The following OCA2 variants were observed in gnomAD, a reference collection of about 807,000 sequenced individuals.
OCA2 encodes the protein P protein.
In OCA2, 77 loss-of-function variants were observed where a neutral mutation model predicts 100.2. The observed-to-expected ratio is 0.77, with a 90% CI of 0.64 to 0.93. The LOEUF is 0.93. Among genes scored for constraint, OCA2 ranks in the 40% least tolerant of loss-of-function variants. The pLI is 0.00. For missense variants in OCA2, 1,062 were observed against 1,089.1 expected, an observed-to-expected ratio of 0.98 and a Z score of 0.35; for synonymous variants, 432 against 439.2, an observed-to-expected ratio of 0.98 and a Z score of 0.21.
At chr15:28,053,260 A>C (rs72712666) in intron 2 of OCA2, among the ~76,000 whole-genome samples, 13,917 of 152,200 alleles carry the variant, frequency 0.091, 813 homozygotes, top group African/African-American at 0.16. Context: ...CAGCACCCAC[A>C]TGGGTGGGCC....
intron 2 of OCA2, among the ~76,000 whole-genome samples, chr15:28,059,645 A>G (rs1235271932): frequency 1.3e-5 from 2 of 152,236 alleles, no homozygotes; most frequent in African/African-American, 2.4e-5. Context: ...ACAATTTTTA[A>G]AGACTTCTAA....
At chr15:28,037,873 T>G (rs1485492230) in intron 2 of OCA2, among the ~76,000 whole-genome samples, 1 of 152,144 alleles carries the variant, frequency 6.6e-6, no homozygotes, top group Non-Finnish European at 1.5e-5. Flanking sequence ...CCAGGCATGG[T>G]ACCCTCTGTA....
chr15:28,093,093 G>C (rs2044898558), intron 1 of OCA2, among the ~76,000 whole-genome samples: 1 of 152,124 alleles, frequency 6.6e-6, no homozygotes, highest in Admixed American at 6.5e-5. Flanking sequence ...AGCCATTAGG[G>C]AAATGCAAAT....
chr15:27,877,491 G>A (rs943449224), intron 19 of OCA2, among the ~76,000 whole-genome samples: 2 of 151,802 alleles, frequency 1.3e-5, no homozygotes, highest in African/African-American at 4.8e-5. Flanking sequence ...ATTGCATCTT[G>A]AGTATTTACC....
chr15:27,903,990 T>C (rs999715157), intron 19 of OCA2, among the ~76,000 whole-genome samples: 12 of 152,212 alleles, frequency 7.9e-5, no homozygotes, highest in African/African-American at 2.9e-4. Context: ...TTTTTAAAAA[T>C]AGTGCAGTGT....
At chr15:28,036,130 G>T (rs940668690) in intron 2 of OCA2, among the ~76,000 whole-genome samples, 4 of 152,186 alleles carry the variant, frequency 2.6e-5, no homozygotes, top group Admixed American at 2.0e-4. Context: ...ATTTTTAAAT[G>T]CCAGCCATCA....
intron 23 of OCA2, among the ~76,000 whole-genome samples, chr15:27,843,444 AT>A (rs1250288782): frequency 3.9e-5 from 6 of 152,178 alleles, no homozygotes; most frequent in Non-Finnish European, 8.8e-5. Context: ...CCACTGCTAT[AT>A]TTGCTGTAAT....
Position 27,858,561 on chromosome 15 carries a change from T to C in OCA2, c.2245-7086A>G, listed in dbSNP as rs76402330. ...AAATAGAACTGAGGTGGGTACATTA[T>C]TGTCAGACAAAATAGAATTTAAATA... On this transcript the variant is annotated intron_variant, in intron 21 of 23. Transcript: ENST00000354638. 7.5e-3 allele frequency among the ~76,000 whole-genome samples: 1,138 copies of C among 152,176 alleles called. 17 individuals are homozygous for C. The highest frequency in any genetic ancestry group is 0.026 in the African/African-American group (1,081 of 41,512).
At chr15:28,096,550 G>A (rs1277873940) in intron 1 of OCA2, among the ~76,000 whole-genome samples, 4 of 152,226 alleles carry the variant, frequency 2.6e-5, no homozygotes, top group Non-Finnish European at 4.4e-5. Flanking sequence ...CCGGTCCTGG[G>A]CTGAGACAGG....
intron 23 of OCA2, among the ~76,000 whole-genome samples, chr15:27,832,210 T>G (rs1388102967): frequency 6.6e-6 from 1 of 152,006 alleles, no homozygotes; most frequent in Non-Finnish European, 1.5e-5. Flanking sequence ...GTTGTCCACC[T>G]CCAAACCCTA....
chr15:28,055,809 T>A (rs553546526), intron 2 of OCA2, among the ~76,000 whole-genome samples: 1 of 152,252 alleles, frequency 6.6e-6, no homozygotes, highest in African/African-American at 2.4e-5. Flanking sequence ...TGCCTGGCCA[T>A]CCTCACGGTG....
chr15:28,094,411 G>A (rs568323998), intron 1 of OCA2, among the ~76,000 whole-genome samples: 1 of 152,318 alleles, frequency 6.6e-6, no homozygotes, highest in South Asian at 2.1e-4. Flanking sequence ...TAGGGGAGCT[G>A]TAAGCCGGCG....
intron 14 of OCA2, among the ~76,000 whole-genome samples, chr15:27,978,421 CTATT>C (rs1428474698): frequency 6.6e-6 from 1 of 152,144 alleles, no homozygotes; most frequent in Non-Finnish European, 1.5e-5. Flanking sequence ...AAGGATTTAT[CTATT>C]CCTCCTGCAG....
At chr15:27,892,177 A>C (rs114834648) in intron 19 of OCA2, among the ~76,000 whole-genome samples, 2,366 of 152,262 alleles carry the variant, frequency 0.016, 55 homozygotes, top group African/African-American at 0.05. Context: ...AAAATAATTC[A>C]AAATATGGAA....
intron 7 of OCA2, among the ~76,000 whole-genome samples, chr15:28,016,668 G>A (rs925787720): frequency 2.4e-4 from 37 of 152,192 alleles, no homozygotes; most frequent in African/African-American, 8.9e-4. Context: ...TGTGGTCCCA[G>A]CCACTTAGGG....
chr15:27,913,763 A>G (rs935704205), intron 19 of OCA2, among the ~76,000 whole-genome samples: 1 of 149,310 alleles, frequency 6.7e-6, no homozygotes, highest in African/African-American at 2.5e-5. Flanking sequence ...ATTAGAGAAG[A>G]GTCCCTCCTC....
chr15:27,993,012 G>A (rs1868333), intron 9 of OCA2, among the ~76,000 whole-genome samples: 89,032 of 151,884 alleles, frequency 0.59, 31,135 homozygotes, highest in Non-Finnish European at 0.79. Context: ...TAGTCCCAGT[G>A]ACTCGGGAGT....
Position 28,081,789 on chromosome 15 carries a change from G to T in OCA2, c.86C>A (p.Ala29Asp), listed in dbSNP as rs776260039. ...CCTGCGCTTGCCGGCCACAAGTTCA[G>T]CGAGTCCGCTGGGCACGGACGTCTG... The part of the protein sequence containing the change: ...LLQTSVPSGL[A>D]ELVAGKRRLP... The change falls in exon 2 of 24, where the codon GCT (alanine) becomes GAT (aspartate). Residue 29 changes from alanine to aspartate, a missense_variant. Ala to Asp is a moderately radical substitution (Grantham distance 126). Transcript: ENST00000354638. 1 of 1,613,072 alleles carries T rather than the reference G, an allele frequency of 6.2e-7. No individual in the cohort carries two copies. Among genetic ancestry groups the T allele is most frequent in the South Asian group, 1.1e-5 (1 of 91,056 alleles).
At chr15:28,087,124 C>G (rs1595934489) in intron 1 of OCA2, among the ~76,000 whole-genome samples, 2 of 152,062 alleles carry the variant, frequency 1.3e-5, no homozygotes, top group African/African-American at 4.8e-5. Flanking sequence ...GAAATCCACA[C>G]CAACATATAT....
Sources: gnomAD v4.1 joint callset for allele counts (sites outside exome capture counted in the v4.1 genomes callset) on GRCh38, gnomAD v4.1.1 for gene constraint, MANE v1.5 for transcripts, NCBI Gene and HGNC (gene_info 2026-07-23, HGNC 2026-07-21) for gene names.